Variants in CSRNP3 observed in about 807,000 individuals in gnomAD.
CSRNP3 encodes cysteine and serine rich nuclear protein 3.
A neutral mutation model predicts 48.0 loss-of-function variants in CSRNP3; 12 were observed. The ratio of observed to expected loss-of-function variants is 0.25; its 90% CI spans 0.16 to 0.41. The LOEUF is 0.41. Ranked by LOEUF, CSRNP3 falls within the 10% of genes least tolerant of loss-of-function variation. CSRNP3 has a pLI of 1.00. For synonymous variants in CSRNP3, 263 were observed against 269.7 expected (o/e 0.98, Z 0.24); for missense variants, 580 against 724.4 (o/e 0.80, Z 2.29).
chr2:165,541,805 AC>A (rs1265761629), intron 3 of CSRNP3, among the ~76,000 whole-genome samples: 2 of 152,164 alleles, frequency 1.3e-5, no homozygotes, highest in South Asian at 2.1e-4. Context: ...AGCCTTGATC[AC>A]CCCAGTGTAG....
rs2105373326 is a variant in CSRNP3, at chr2:165,687,644, T to C, written c.*7891T>C. 6.6e-6 allele frequency: 1 copy of C among 152,196 alleles called. No individual in the cohort carries two copies. Among genetic ancestry groups the C allele is most frequent in the East Asian group, 1.9e-4 (1 of 5,172 alleles). 9.4% of individuals were successfully genotyped at this position (152,196 alleles called of 1,614,324 possible). A position where few individuals can be genotyped will look rare whatever the true frequency, so the allele number is the denominator to read the frequency against. ...TCCAGAGATTTACACAGCCACCATT[T>C]GATCCCAGCCTTTGTCCTTGTGTTA... On this transcript the variant is annotated 3_prime_UTR_variant, in exon 7 of 7. Transcript: ENST00000651982.
rs906633244 is a variant in CSRNP3, at chr2:165,670,581, G to A, written c.409-5731G>A. 6.6e-5 allele frequency among the ~76,000 whole-genome samples: 10 copies of A among 152,148 alleles called. No homozygotes were observed. The East Asian group carries it at 1.9e-3, about 29-fold the overall frequency. The stretch of plus-strand genomic sequence containing the variant: ...CTTGGGCAAATTATTTAACATTCCT[G>A]TGCCTCATTTTCCTCATCAGTTAAA... On this transcript the variant is annotated intron_variant, in intron 5 of 6. Coordinates refer to ENST00000651982, the MANE Select transcript of CSRNP3 (RefSeq NM_001172173.2).
Position 165,546,900 on chromosome 2 carries a change from T to C in CSRNP3, c.-24+28939T>C, listed in dbSNP as rs1387288319. 2.0e-5 allele frequency among the ~76,000 whole-genome samples: 3 copies of C among 152,322 alleles called. No individual in the cohort carries two copies. The East Asian group carries it at 5.8e-4, about 29-fold the overall frequency. ...AACTGACTTAGAGAGAAGTGCAGAG[T>C]TTAAATCAATTTCAGCTATGTTCTG... On this transcript the variant is annotated intron_variant, in intron 3 of 6. Transcript: ENST00000651982.
chr2:165,550,369 G>A (rs1685081515), intron 3 of CSRNP3, among the ~76,000 whole-genome samples: 1 of 152,118 alleles, frequency 6.6e-6, no homozygotes. Flanking sequence ...GGTCCTGTGG[G>A]AGAAAGAAAA....
chr2:165,523,062 A>G (rs1437609944), intron 3 of CSRNP3, among the ~76,000 whole-genome samples: 1 of 152,146 alleles, frequency 6.6e-6, no homozygotes, highest in Non-Finnish European at 1.5e-5. Context: ...TTTTAACAAG[A>G]AAATTGAGGT....
intron 2 of CSRNP3, among the ~76,000 whole-genome samples, chr2:165,516,073 G>A (rs1414984946): frequency 2.0e-5 from 3 of 151,950 alleles, no homozygotes; most frequent in Non-Finnish European, 4.4e-5. Flanking sequence ...CCCAAAGTGC[G>A]GGGGTTACAG....
intron 3 of CSRNP3, among the ~76,000 whole-genome samples, chr2:165,539,861 C>G (rs988647070): frequency 2.0e-5 from 3 of 151,978 alleles, no homozygotes; most frequent in Non-Finnish European, 2.9e-5. Context: ...CTGATTTTTG[C>G]TAAGGGTGTT....
chr2:165,605,556 C>T (rs1345842404), intron 4 of CSRNP3, among the ~76,000 whole-genome samples: 1 of 152,040 alleles, frequency 6.6e-6, no homozygotes, highest in Non-Finnish European at 1.5e-5. Flanking sequence ...AATATTGAAG[C>T]TTGGGGCTTA....
chr2:165,471,920 C>A (rs1422955337), intron 1 of CSRNP3, among the ~76,000 whole-genome samples: 1 of 151,698 alleles, frequency 6.6e-6, no homozygotes, highest in Non-Finnish European at 1.5e-5. Flanking sequence ...AAGGATGAAA[C>A]AAGGCAAATG....
At position 165,686,476 on chromosome 2, in the gene CSRNP3, T is replaced by A. The variant is rs1687632901; in HGVS notation, c.*6723T>A. 6.6e-6 allele frequency: 1 copy of A among 151,838 alleles called. No individual in the cohort carries two copies. The highest frequency in any genetic ancestry group is 1.9e-4 in the East Asian group (1 of 5,184). The allele number at this position is 151,838 out of a possible 1,614,324, so 9.4% of individuals were successfully genotyped here. On this transcript the variant is annotated 3_prime_UTR_variant, in exon 7 of 7. Coordinates refer to ENST00000651982, the MANE Select transcript of CSRNP3 (RefSeq NM_001172173.2). ...TCTTTAAAACAAATTTAAAGATCTA[T>A]ATACATTTTTGCAACTTTATTTAAT...
chr2:165,647,087 C>T (rs936765574), intron 4 of CSRNP3, among the ~76,000 whole-genome samples: 13 of 151,910 alleles, frequency 8.6e-5, no homozygotes, highest in Non-Finnish European at 1.9e-4. Context: ...ACGGCATCAC[C>T]GAGATAGTAC....
intron 3 of CSRNP3, among the ~76,000 whole-genome samples, chr2:165,580,736 G>A (rs532598464): frequency 6.6e-6 from 1 of 152,086 alleles, no homozygotes; most frequent in South Asian, 2.1e-4. Flanking sequence ...CATCTGTTTT[G>A]TTATTCAATC....
chr2:165,613,460 G>T (rs1425213428), intron 4 of CSRNP3, among the ~76,000 whole-genome samples: 1 of 152,020 alleles, frequency 6.6e-6, no homozygotes, highest in Non-Finnish European at 1.5e-5. Context: ...TCTTACCCAT[G>T]AACTCTTTCC....
intron 4 of CSRNP3, among the ~76,000 whole-genome samples, chr2:165,638,273 C>A (rs546633971): frequency 2.2e-4 from 33 of 152,282 alleles, no homozygotes; most frequent in Non-Finnish European, 2.2e-4. Context: ...ACCAGCCTGA[C>A]CAACATGGTG....
At chr2:165,598,820 A>G (rs903255679) in intron 4 of CSRNP3, among the ~76,000 whole-genome samples, 1 of 152,220 alleles carries the variant, frequency 6.6e-6, no homozygotes, top group Non-Finnish European at 1.5e-5. Flanking sequence ...AAGATTTAAT[A>G]AAAAGTGCCC....
chr2:165,634,891 A>G (rs1686601714), intron 4 of CSRNP3, among the ~76,000 whole-genome samples: 1 of 152,224 alleles, frequency 6.6e-6, no homozygotes, highest in Non-Finnish European at 1.5e-5. Context: ...CTTTATTGTT[A>G]TCTCGTCCAG....
intron 4 of CSRNP3, among the ~76,000 whole-genome samples, chr2:165,643,477 T>C (rs1424397534): frequency 6.6e-6 from 1 of 152,170 alleles, no homozygotes; most frequent in African/African-American, 2.4e-5. Context: ...ATTGCCCCTG[T>C]AGAATTTGGG....
chr2:165,499,058 T>TGG (rs1385138178), intron 2 of CSRNP3, among the ~76,000 whole-genome samples: 3 of 152,208 alleles, frequency 2.0e-5, no homozygotes, highest in Non-Finnish European at 4.4e-5. Flanking sequence ...ATCCTTACTT[T>TGG]GGGTCCATCT....
chr2:165,616,453 A>C (rs1312190100), intron 4 of CSRNP3, among the ~76,000 whole-genome samples: 1 of 152,186 alleles, frequency 6.6e-6, no homozygotes. Context: ...GTAGGACCAG[A>C]CTAATGGCAA....
Sources: gnomAD v4.1 joint callset for allele counts (sites outside exome capture counted in the v4.1 genomes callset) on GRCh38, gnomAD v4.1.1 for gene constraint, MANE v1.5 for transcripts, NCBI Gene and HGNC (gene_info 2026-07-23, HGNC 2026-07-21) for gene names.